FOXN3: variants seen among roughly 807,000 people sequenced by gnomAD.
FOXN3 encodes forkhead box protein N3.
A neutral mutation model predicts 38.4 loss-of-function variants in FOXN3; 7 were observed. The observed-to-expected ratio is 0.18, with a 90% CI of 0.10 to 0.34. The LOEUF is 0.34. Among genes scored for constraint, FOXN3 ranks in the 10% least tolerant of loss-of-function variants. The pLI is 1.00. For synonymous variants in FOXN3, 230 were observed against 242.2 expected (o/e 0.95, Z 0.47); for missense variants, 456 against 613.4 (o/e 0.74, Z 2.71).
intron 1 of FOXN3, among the ~76,000 whole-genome samples, chr14:89,584,837 T>C (rs993635680): frequency 3.0e-4 from 46 of 152,128 alleles, no homozygotes; most frequent in African/African-American, 1.1e-3. Context: ...CTCAGCCTCC[T>C]GAGTAGCTGG....
intron 2 of FOXN3, among the ~76,000 whole-genome samples, chr14:89,372,083 CAAAAT>C (rs1890335412): frequency 2.0e-5 from 3 of 151,740 alleles, no homozygotes; most frequent in Admixed American, 6.6e-5. Flanking sequence ...CCGTGACTGA[CAAAAT>C]AAAAAACGGA....
At chr14:89,246,022 C>T (rs1333074018) in intron 4 of FOXN3, among the ~76,000 whole-genome samples, 1 of 152,074 alleles carries the variant, frequency 6.6e-6, no homozygotes, top group Non-Finnish European at 1.5e-5. Flanking sequence ...CGGGTGATGG[C>T]TTAAGGGTAC....
chr14:89,399,364 A>G (rs1891187524), intron 2 of FOXN3, among the ~76,000 whole-genome samples: 1 of 152,202 alleles, frequency 6.6e-6, no homozygotes, highest in Non-Finnish European at 1.5e-5. Context: ...GGAGGCTAGA[A>G]CAGATCCTCA....
chr14:89,478,142 A>G (rs1002917551), intron 1 of FOXN3, among the ~76,000 whole-genome samples: 3 of 152,096 alleles, frequency 2.0e-5, no homozygotes, highest in Admixed American at 2.0e-4. Flanking sequence ...AGTTCACATA[A>G]GGTCTAGTTG....
At chr14:89,234,783 C>T (rs1689052489) in intron 4 of FOXN3, among the ~76,000 whole-genome samples, 1 of 150,972 alleles carries the variant, frequency 6.6e-6, no homozygotes. Flanking sequence ...GAGTTCTCTC[C>T]CCAGTCGAGC....
chr14:89,462,530 CA>C (rs1892868090), intron 1 of FOXN3, among the ~76,000 whole-genome samples: 1 of 152,126 alleles, frequency 6.6e-6, no homozygotes, highest in Non-Finnish European at 1.5e-5. Flanking sequence ...CTGTGGTAGA[CA>C]CTGGAAAGTC....
intron 1 of FOXN3, among the ~76,000 whole-genome samples, chr14:89,488,276 T>A (rs1893493252): frequency 6.6e-6 from 1 of 151,780 alleles, no homozygotes; most frequent in Non-Finnish European, 1.5e-5. Context: ...ACAGACAGGG[T>A]TTCGCCATGT....
intron 1 of FOXN3, among the ~76,000 whole-genome samples, chr14:89,506,974 C>G (rs997227083): frequency 5.3e-5 from 8 of 152,084 alleles, no homozygotes; most frequent in Non-Finnish European, 1.2e-4. Context: ...AAGTACCCAG[C>G]GACACAAACA....
At chr14:89,349,282 G>T (rs996182675) in intron 3 of FOXN3, among the ~76,000 whole-genome samples, 2 of 152,150 alleles carry the variant, frequency 1.3e-5, no homozygotes, top group Admixed American at 6.5e-5. Flanking sequence ...TGTTGGCTGG[G>T]CTGCTTTGGA....
intron 4 of FOXN3, among the ~76,000 whole-genome samples, chr14:89,270,286 G>A (rs576617399): frequency 6.6e-6 from 1 of 152,268 alleles, no homozygotes; most frequent in African/African-American, 2.4e-5. Context: ...GTATCACTTC[G>A]GTTCAGCTGG....
chr14:89,176,095 C>T (rs991366007), intron 5 of FOXN3, among the ~76,000 whole-genome samples: 8 of 152,174 alleles, frequency 5.3e-5, no homozygotes, highest in South Asian at 2.1e-4. Flanking sequence ...GAGGACTTGA[C>T]GCCCAGGCAA....
At chr14:89,286,010 G>A (rs1419886032) in intron 3 of FOXN3, among the ~76,000 whole-genome samples, 2 of 151,866 alleles carry the variant, frequency 1.3e-5, no homozygotes, top group Admixed American at 1.3e-4. Flanking sequence ...GGGACTACAG[G>A]CACACACCAC....
At chr14:89,262,560 C>T (rs1363543372) in intron 4 of FOXN3, among the ~76,000 whole-genome samples, 1 of 152,174 alleles carries the variant, frequency 6.6e-6, no homozygotes, top group East Asian at 1.9e-4. Context: ...AAAATCAGGA[C>T]ATGTGGGTAA....
chr14:89,222,891 G>A (rs904457784), intron 4 of FOXN3, among the ~76,000 whole-genome samples: 7 of 152,120 alleles, frequency 4.6e-5, no homozygotes, highest in African/African-American at 1.7e-4. Flanking sequence ...TATGGAATCT[G>A]CCTTTAGTGT....
rs772625675 is a variant in FOXN3, at chr14:89,162,725, C to T, written c.1096G>A (p.Glu366Lys). The T allele has an allele frequency of 5.5e-5, 88 of 1,613,854 alleles. No homozygotes were observed. The highest frequency in any genetic ancestry group is 6.7e-5 in the Non-Finnish European group (79 of 1,179,954). ...EGSEGSFRSH[E>K]SPSDTEEDDR... ...TCCTCTTCCGTGTCGCTGGGGCTCTCGTGGCTCCGGAAGCTCCCCTCGCTG... is the reference window on the plus strand; with the variant it reads ...TCCTCTTCCGTGTCGCTGGGGCTCTTGTGGCTCCGGAAGCTCCCCTCGCTG... The change falls in exon 6 of 6, where the codon GAG becomes AAG. Residue 366 changes from glutamate to lysine, a missense_variant. Around this residue, in one of 3 missense-constraint regions of FOXN3, gnomAD observed 386 missense variants for 505.2 expected, o/e 0.76. Coordinates refer to ENST00000557258, the MANE Select transcript of FOXN3 (RefSeq NM_005197.4). This position sits in a 1 kb window ranked among gnomAD's most constrained non-coding sequence, Gnocchi z 7.2.
At chr14:89,345,119 T>G (rs1204314848) in intron 3 of FOXN3, among the ~76,000 whole-genome samples, 1 of 151,912 alleles carries the variant, frequency 6.6e-6, no homozygotes, top group Non-Finnish European at 1.5e-5. Flanking sequence ...CACAGTGGAG[T>G]GCCATTTCAC....
At chr14:89,367,810 C>T (rs1258088111) in intron 2 of FOXN3, among the ~76,000 whole-genome samples, 1 of 148,090 alleles carries the variant, frequency 6.8e-6, no homozygotes, top group Non-Finnish European at 1.5e-5. Flanking sequence ...TCCAGAGAGC[C>T]AGGGCTCAGC....
At chr14:89,258,376 C>T (rs1374019589) in intron 4 of FOXN3, among the ~76,000 whole-genome samples, 2 of 152,138 alleles carry the variant, frequency 1.3e-5, no homozygotes, top group African/African-American at 2.4e-5. Context: ...TTGGAATGGG[C>T]AAATCTGAGT....
intron 4 of FOXN3, among the ~76,000 whole-genome samples, chr14:89,193,020 C>T (rs1596092443): frequency 6.6e-6 from 1 of 152,042 alleles, no homozygotes; most frequent in Admixed American, 6.6e-5. Flanking sequence ...CTGTTAAGGC[C>T]TCAGGCCTTT....
Sources: gnomAD v4.1 joint callset for allele counts (sites outside exome capture counted in the v4.1 genomes callset) on GRCh38, gnomAD v4.1.1 for gene constraint, gnomAD v4.1.1 regional missense constraint, Gnocchi (gnomAD v3.1) non-coding constraint, MANE v1.5 for transcripts, NCBI Gene and HGNC (gene_info 2026-07-23, HGNC 2026-07-21) for gene names.